The following SRPX variants were observed in gnomAD, a reference collection of about 807,000 sequenced individuals.
SRPX encodes the protein sushi repeat containing protein X-linked.
In SRPX, 24 loss-of-function variants were observed where a neutral mutation model predicts 38.1. The observed-to-expected ratio is 0.63, with a 90% confidence interval of 0.46 to 0.89. SRPX has a LOEUF of 0.89. Among genes scored for constraint, SRPX ranks in the 40% least tolerant of loss-of-function variants. The pLI, the probability that SRPX is intolerant of heterozygous loss-of-function variation, is 0.00. For synonymous variants in SRPX, 184 were observed against 153.8 expected (o/e 1.20, Z -1.45); for missense variants, 416 against 377.8 (o/e 1.10, Z -0.84).
intron 4 of SRPX, among the ~76,000 whole-genome samples, 177 bp downstream of exon 4, chrX:38,171,704 A>G (rs1938473389): frequency 8.9e-6 from 1 of 112,270 alleles, no homozygotes; most frequent in Admixed American, 9.4e-5. Flanking sequence ...CAGCTCCAGG[A>G]TAGACACTGA....
chrX:38,168,267 G>T (rs1302176886), intron 4 of SRPX, among the ~76,000 whole-genome samples: 1 of 111,906 alleles, frequency 8.9e-6, no homozygotes, highest in African/African-American at 3.3e-5. Context: ...TATGTTAAAA[G>T]CCAGCTGCCA....
intron 1 of SRPX, among the ~76,000 whole-genome samples, chrX:38,180,984 A>G (rs980671105): frequency 8.9e-6 from 1 of 112,715 alleles, no homozygotes; most frequent in Non-Finnish European, 1.9e-5. Flanking sequence ...TGGTCCCAGA[A>G]GACTATATAC....
At chrX:38,216,856 A>C (rs1939429409) in intron 1 of SRPX, among the ~76,000 whole-genome samples, 1 of 112,562 alleles carries the variant, frequency 8.9e-6, no homozygotes, top group Non-Finnish European at 1.9e-5. Flanking sequence ...GTGGCCAACA[A>C]AAATAATAAA....
At chrX:38,179,700 G>A (rs5918490) in intron 1 of SRPX, among the ~76,000 whole-genome samples, 35,463 of 110,809 alleles carry the variant, frequency 0.32, 4,727 homozygotes, top group Non-Finnish European at 0.42. Flanking sequence ...GAAAAGACCC[G>A]CAACTACAGA....
chrX:38,164,139 GAT>G (rs1491504710), intron 5 of SRPX, among the ~76,000 whole-genome samples: 24 of 107,137 alleles, frequency 2.2e-4, no homozygotes, highest in Admixed American at 1.0e-3. Flanking sequence ...GGGTACATGA[GAT>G]TTTTTTTTTT....
chrX:38,212,408 G>A (rs1212947003), intron 1 of SRPX, among the ~76,000 whole-genome samples: 1 of 111,752 alleles, frequency 8.9e-6, no homozygotes, highest in Non-Finnish European at 1.9e-5. Context: ...ACCATTGTGT[G>A]TCAGTTATAA....
At chrX:38,204,582 G>A (rs774532962) in intron 1 of SRPX, among the ~76,000 whole-genome samples, 1 of 111,960 alleles carries the variant, frequency 8.9e-6, no homozygotes, top group Non-Finnish European at 1.9e-5. Context: ...TTCAATGCAT[G>A]AAGAGGGGCC....
At chrX:38,220,634 C>T in intron 1 of SRPX, 62 bp downstream of exon 1, 1 of 1,171,957 alleles carries the variant, frequency 8.5e-7, no homozygotes, top group Non-Finnish European at 1.1e-6. Flanking sequence ...CGAAGGGTCC[C>T]AACGGCGACT....
chrX:38,219,535 T>C (rs777903246), intron 1 of SRPX, among the ~76,000 whole-genome samples: 3 of 111,631 alleles, frequency 2.7e-5, no homozygotes, highest in African/African-American at 9.8e-5. Flanking sequence ...GCTTAAAACT[T>C]AAGAGTCAGC....
At chrX:38,210,314 T>C (rs1215457063) in intron 1 of SRPX, among the ~76,000 whole-genome samples, 2 of 112,190 alleles carry the variant, frequency 1.8e-5, no homozygotes, top group Non-Finnish European at 3.8e-5. Context: ...TATTCCTCCT[T>C]GTCCTCTCTC....
At chrX:38,214,966 T>G (rs1430959467) in intron 1 of SRPX, among the ~76,000 whole-genome samples, 1 of 111,908 alleles carries the variant, frequency 8.9e-6, no homozygotes, top group Non-Finnish European at 1.9e-5. Context: ...AGATTCTCAT[T>G]AAGTACTACT....
chrX:38,160,412 C>G (rs1294396330), intron 6 of SRPX, among the ~76,000 whole-genome samples: 1 of 111,932 alleles, frequency 8.9e-6, no homozygotes, highest in East Asian at 2.8e-4. Context: ...ACTGGTTTCG[C>G]CCCTAGTGTT....
chrX:38,168,377 T>C (rs1319540892), intron 4 of SRPX, among the ~76,000 whole-genome samples: 1 of 111,467 alleles, frequency 9.0e-6, no homozygotes, highest in Non-Finnish European at 1.9e-5. Flanking sequence ...CCCCAGTCAG[T>C]ACAACTTTTC....
intron 1 of SRPX, among the ~76,000 whole-genome samples, chrX:38,194,731 C>A (rs1044939883): frequency 9.0e-6 from 1 of 111,273 alleles, no homozygotes; most frequent in African/African-American, 3.3e-5. Context: ...ACAACATGAG[C>A]AACTCTTAAG....
intron 4 of SRPX, among the ~76,000 whole-genome samples, chrX:38,169,954 G>A (rs1486541077): frequency 8.9e-6 from 1 of 112,317 alleles, no homozygotes; most frequent in Admixed American, 9.4e-5. Flanking sequence ...GATCAATGGA[G>A]GTTGTGGCTC....
chrX:38,208,034 T>C (rs1406443203), intron 1 of SRPX, among the ~76,000 whole-genome samples: 1 of 111,909 alleles, frequency 8.9e-6, no homozygotes, highest in African/African-American at 3.3e-5. Flanking sequence ...CCTGGCCTTC[T>C]CTATCATTAT....
rs142466263 is a variant in SRPX at position 38,187,239 on chromosome X, G to A, written c.98-8895C>T. Among the ~76,000 whole-genome samples, 191 of 111,922 alleles carry A rather than the reference G, an allele frequency of 1.7e-3. 3 individuals are homozygous for A. Among genetic ancestry groups the A allele is most frequent in the Admixed American group, 1.1e-3 (12 of 10,545 alleles). ...GTAAAAATATGACAAACTTATATCT[G>A]GCATGATATACTTTTTAAAGTTTAA... On this transcript the variant is annotated intron_variant, in intron 1 of 9. Transcript: ENST00000378533.
intron 4 of SRPX, among the ~76,000 whole-genome samples, chrX:38,168,701 A>C (rs1167087893): frequency 8.9e-6 from 1 of 112,277 alleles, no homozygotes; most frequent in East Asian, 2.8e-4. Flanking sequence ...CTGGCCATTG[A>C]AAACTCATCC....
intron 1 of SRPX, among the ~76,000 whole-genome samples, chrX:38,190,670 A>G (rs1429310582): frequency 5.4e-5 from 6 of 111,661 alleles, no homozygotes; most frequent in African/African-American, 2.0e-4. Context: ...GCTGACGGCA[A>G]TTCTAGTTTT....
Sources: gnomAD v4.1 joint callset for allele counts (sites outside exome capture counted in the v4.1 genomes callset) on GRCh38, gnomAD v4.1.1 for gene constraint, MANE v1.5 for transcripts, NCBI Gene and HGNC (gene_info 2026-07-23, HGNC 2026-07-21) for gene names.